The following CACUL1 variants were observed in gnomAD, a reference collection of about 807,000 sequenced individuals.
CACUL1 encodes CDK2-associated and cullin domain-containing protein 1.
In CACUL1, 13 loss-of-function variants were observed where a neutral mutation model predicts 45.2. That is an observed-to-expected ratio of 0.29 (90% CI 0.19 to 0.46). The LOEUF (loss-of-function observed/expected upper bound fraction) is 0.46. CACUL1 is among the 20% of genes least tolerant of loss of function. The pLI is 1.00. For synonymous variants in CACUL1, 197 were observed against 174.2 expected (o/e 1.13, Z -1.03); for missense variants, 421 against 471.4 (o/e 0.89, Z 0.99).
chr10:118,746,059 G>C (rs540495115), intron 1 of CACUL1, among the ~76,000 whole-genome samples: 1 of 151,392 alleles, frequency 6.6e-6, no homozygotes, highest in Admixed American at 6.6e-5. Context: ...GGCTGAGGCA[G>C]GAGAATGGCG....
chr10:118,696,311 TG>T (rs1474560057), intron 5 of CACUL1, among the ~76,000 whole-genome samples: 1 of 152,020 alleles, frequency 6.6e-6, no homozygotes, highest in East Asian at 1.9e-4. Context: ...TAACGACAGC[TG>T]ATGAGCTTAA....
chr10:118,686,582 G>C lies in CACUL1; in HGVS notation c.1069+16C>G, dbSNP rs752971780. 1.0e-5 allele frequency: 16 copies of C among 1,599,598 alleles called. No individual in the cohort carries two copies. Among genetic ancestry groups the C allele is most frequent in the Non-Finnish European group, 1.4e-5 (16 of 1,166,762 alleles). ...ATCACAGAACCATCAAGATGGGAAGGAACATCATTACTTACTATAAGCCAA... is the reference window on the plus strand; with the variant it reads ...ATCACAGAACCATCAAGATGGGAAGCAACATCATTACTTACTATAAGCCAA... On this transcript the variant is annotated intron_variant, in intron 8 of 8. Coordinates refer to ENST00000369151, the MANE Select transcript of CACUL1 (RefSeq NM_153810.5).
chr10:118,726,842 G>T (rs1340810817), intron 3 of CACUL1, among the ~76,000 whole-genome samples: 1 of 151,868 alleles, frequency 6.6e-6, no homozygotes, highest in African/African-American at 2.4e-5. Flanking sequence ...ATATATATTA[G>T]CACGTTTAAT....
rs539308632 is a variant in CACUL1, at chr10:118,679,408, G to T, written c.*6720C>A. 469 of 149,258 alleles carry T rather than the reference G, an allele frequency of 3.1e-3. 2 individuals are homozygous for T. The highest frequency in any genetic ancestry group is 0.011 in the African/African-American group (448 of 40,020). The allele number at this position is 149,258 out of a possible 1,614,324, so 9.2% of individuals were successfully genotyped here. A position where few individuals can be genotyped will look rare whatever the true frequency, so the allele number is the denominator to read the frequency against. ...ATTTTTTATTTTTTGTAGAGACAGG[G>T]TTTCACCATGTTAGCCAGGCTGGTC... is the stretch of plus-strand genomic sequence containing the variant. On this transcript the variant is annotated 3_prime_UTR_variant, in exon 9 of 9. Transcript: ENST00000369151.
rs1451418547 is a variant in CACUL1 at position 118,754,385 on chromosome 10, G to T, written c.367+11C>A. On this transcript the variant is annotated intron_variant, in intron 1 of 8. Transcript: ENST00000369151. ...AGAAAAGCCAAGGCTGCAGGGAAAG[G>T]CTGGACTCACAGAACTTGGAGGTGG... The T allele has an allele frequency of 2.0e-6, 3 of 1,535,672 alleles. No individual in the cohort carries two copies. Among genetic ancestry groups the T allele is most frequent in the South Asian group, 2.4e-5 (2 of 82,562 alleles).
At chr10:118,693,662 C>A in intron 6 of CACUL1, 1 of 452,404 alleles carries the variant, frequency 2.2e-6, no homozygotes, top group Non-Finnish European at 4.4e-6. Context: ...CACTTAGATG[C>A]TTTCAAAGGA....
At chr10:118,721,842 T>C (rs916610670) in intron 3 of CACUL1, among the ~76,000 whole-genome samples, 2 of 152,246 alleles carry the variant, frequency 1.3e-5, no homozygotes, top group African/African-American at 4.8e-5. Context: ...CACATTAGCA[T>C]ATACAATAAA....
intron 7 of CACUL1, among the ~76,000 whole-genome samples, chr10:118,690,961 G>C (rs1845259356): frequency 6.6e-6 from 1 of 152,236 alleles, no homozygotes; most frequent in African/African-American, 2.4e-5. Flanking sequence ...TAAGGCAGGA[G>C]AACTGCTTGA....
At chr10:118,690,481 GTTAA>G (rs1845254342) in intron 7 of CACUL1, among the ~76,000 whole-genome samples, 1 of 151,818 alleles carries the variant, frequency 6.6e-6, no homozygotes, top group Admixed American at 6.6e-5. Flanking sequence ...ATATGACCAC[GTTAA>G]TTAAGCGCAA....
Position 118,682,032 on chromosome 10 carries a change from T to C in CACUL1, c.*4096A>G, listed in dbSNP as rs779445445. 2 of 152,244 alleles carry C rather than the reference T, an allele frequency of 1.3e-5. No homozygotes were observed. Among genetic ancestry groups the C allele is most frequent in the African/African-American group, 2.4e-5 (1 of 41,456 alleles). The allele number at this position is 152,244 out of a possible 1,614,324, so 9.4% of individuals were successfully genotyped here. ...AGTTAACTTCATTTATACAATCGTA[T>C]TGAAAACAGTAATCACAACCAAAAA... On this transcript the variant is annotated 3_prime_UTR_variant, in exon 9 of 9. Coordinates refer to ENST00000369151, the MANE Select transcript of CACUL1 (RefSeq NM_153810.5).
rs1370304060 is a variant in CACUL1 at position 118,677,664 on chromosome 10, G to A, written c.*8464C>T. 6.6e-6 allele frequency: 1 copy of A among 152,158 alleles called. No homozygotes were observed. 9.4% of individuals were successfully genotyped at this position (152,158 alleles called of 1,614,324 possible). On this transcript the variant is annotated 3_prime_UTR_variant, in exon 9 of 9. Coordinates refer to ENST00000369151, the MANE Select transcript of CACUL1 (RefSeq NM_153810.5). ...TCTGACTTCACTCAATGATTTCTGA[G>A]ATGCATCCATGTTGAAGCCCGCAGT...
Position 118,723,498 on chromosome 10 carries a change from T to C in CACUL1, c.597+5797A>G, listed in dbSNP as rs564912214. 2.0e-5 allele frequency among the ~76,000 whole-genome samples: 3 copies of C among 152,330 alleles called. No homozygotes were observed. In the South Asian group the frequency reaches 6.2e-4, roughly 32 times the overall value. On this transcript the variant is annotated intron_variant, in intron 3 of 8. Transcript: ENST00000369151. ...TTCATTCCTACATATCTTCAAGTTT[T>C]CATCTGGAAACATTTTCTTTCTATC...
chr10:118,754,680 G>A lies in CACUL1; in HGVS notation c.83C>T (p.Ala28Val). 1 of 1,608,522 alleles carries A rather than the reference G, an allele frequency of 6.2e-7. No homozygotes were observed. The highest frequency in any genetic ancestry group is 8.5e-7 in the Non-Finnish European group (1 of 1,177,912). The part of the protein sequence containing the change: ...DDQNHNNWEA[A>V]VDGFRQPLPP... The stretch of plus-strand genomic sequence containing the variant: ...CAGGGGCTGCCGGAAGCCGTCCACC[G>A]CAGCCTCCCAGTTGTTGTGGTTCTG... Residue 28 changes from alanine to valine, a missense_variant, in exon 1 of 9, where the codon GCG becomes GTG. Transcript: ENST00000369151.
chr10:118,699,212 G>A (rs1350867190), intron 5 of CACUL1, among the ~76,000 whole-genome samples: 2 of 152,202 alleles, frequency 1.3e-5, no homozygotes, highest in Admixed American at 6.5e-5. Flanking sequence ...AATGAGGCCA[G>A]TTATCACTTC....
In CACUL1 at chr10:118,685,986, G is replaced by C; in HGVS notation, c.*142C>G. 1 of 469,652 alleles carries C rather than the reference G, an allele frequency of 2.1e-6. No individual in the cohort carries two copies. The allele number at this position is 469,652 out of a possible 1,614,324, so 29.1% of individuals were successfully genotyped here. On this transcript the variant is annotated 3_prime_UTR_variant, in exon 9 of 9. Coordinates refer to ENST00000369151, the MANE Select transcript of CACUL1 (RefSeq NM_153810.5). ...TTTTTGTTTTAAAATTACAAACCAA[G>C]TAAGAAGTCCAACATCCTCTTCCAT...
chr10:118,696,778 A>G (rs1303753564), intron 5 of CACUL1, among the ~76,000 whole-genome samples: 1 of 152,258 alleles, frequency 6.6e-6, no homozygotes, highest in Non-Finnish European at 1.5e-5. Context: ...TGTTGCTTTA[A>G]AATGCAGTGT....
At position 118,754,892 on chromosome 10, in the gene CACUL1, G is replaced by T; in HGVS notation, c.-130C>A. The T allele has an allele frequency of 1.6e-6, 2 of 1,281,032 alleles. 1 individual carries two copies. Among genetic ancestry groups the T allele is most frequent in the South Asian group, 3.1e-5 (2 of 65,560 alleles). 79.4% of individuals were successfully genotyped at this position (1,281,032 alleles called of 1,614,324 possible). A position where few individuals can be genotyped will look rare whatever the true frequency, so the allele number is the denominator to read the frequency against. On this transcript the variant is annotated 5_prime_UTR_variant, in exon 1 of 9. Coordinates refer to ENST00000369151, the MANE Select transcript of CACUL1 (RefSeq NM_153810.5). ...GAATGGGCGCAGCGGAGAGGGCTGC[G>T]GTGCGCAGGGTCTCTCGCTCTCCGC...
intron 5 of CACUL1, among the ~76,000 whole-genome samples, chr10:118,697,095 A>C (rs903010719): frequency 3.3e-5 from 5 of 152,214 alleles, no homozygotes; most frequent in African/African-American, 1.2e-4. Context: ...AACTTAAAAG[A>C]TTTTCTAGTT....
chr10:118,693,739 A>C (rs1845293812), intron 6 of CACUL1: 2 of 456,806 alleles, frequency 4.4e-6, no homozygotes, highest in Admixed American at 2.3e-5. Context: ...CTGCTGTAAA[A>C]TTCTGAGAAA....
Sources: gnomAD v4.1 joint callset for allele counts (sites outside exome capture counted in the v4.1 genomes callset) on GRCh38, gnomAD v4.1.1 for gene constraint, MANE v1.5 for transcripts, NCBI Gene and HGNC (gene_info 2026-07-23, HGNC 2026-07-21) for gene names.